Variants in ZC3H6 observed in about 807,000 individuals in gnomAD.
ZC3H6 encodes zinc finger CCCH domain-containing protein 6.
A neutral mutation model predicts 107.7 loss-of-function variants in ZC3H6; 40 were observed. The ratio of observed to expected loss-of-function variants is 0.37; its 90% confidence interval spans 0.29 to 0.48. The LOEUF (loss-of-function observed/expected upper bound fraction) is 0.48. Among genes scored for constraint, ZC3H6 ranks in the 20% least tolerant of loss-of-function variants. ZC3H6 has a pLI of 0.98. For missense variants in ZC3H6, 1,267 were observed against 1,410.4 expected, an observed-to-expected ratio of 0.90 and a Z score of 1.63; for synonymous variants, 493 against 487.9, an observed-to-expected ratio of 1.01 and a Z score of -0.14.
rs1252765706 is a variant in ZC3H6, at chr2:112,316,529, A to C, written c.807A>C (p.Thr269=). 1.9e-6 allele frequency: 3 copies of C among 1,611,122 alleles called. No homozygotes were observed. Among genetic ancestry groups the C allele is most frequent in the Admixed American group, 1.7e-5 (1 of 59,424 alleles). Residue 269 remains threonine (T), a synonymous_variant, in exon 6 of 12, where the codon ACA becomes ACC. Transcript: ENST00000409871. ...VMTQEFINQH[T]VEHKGKQICK... Reference sequence around the variant, plus strand: ...CTCAGGAATTTATTAATCAGCACACAGTGGAACACAAAGGAAAACAAATCT... The same window carrying C: ...CTCAGGAATTTATTAATCAGCACACCGTGGAACACAAAGGAAAACAAATCT...
At position 112,331,677 on chromosome 2, in the gene ZC3H6, ATCT is replaced by A. The variant is rs772486589; in HGVS notation, c.2762_2764del (p.Leu921del). The stretch of plus-strand genomic sequence containing the variant: ...AATAGATTATGGAATACAAAAAGTG[ATCT>A]TCATCAAAATACAGTGTCCATTGAT... On this transcript the variant is annotated inframe_deletion, in exon 12 of 12. Transcript: ENST00000409871. 3.7e-6 allele frequency: 6 copies of A among 1,613,934 alleles called. No homozygotes were observed. The highest frequency in any genetic ancestry group is 4.5e-5 in the East Asian group (2 of 44,866).
intron 4 of ZC3H6, among the ~76,000 whole-genome samples, chr2:112,311,073 C>G (rs1040786970): frequency 2.0e-5 from 3 of 152,148 alleles, no homozygotes; most frequent in Non-Finnish European, 4.4e-5. Flanking sequence ...GCAAAAAAGT[C>G]TTGTTCATCC....
intron 1 of ZC3H6, among the ~76,000 whole-genome samples, chr2:112,289,941 G>A (rs1676073242): frequency 6.6e-6 from 1 of 151,830 alleles, no homozygotes; most frequent in Non-Finnish European, 1.5e-5. Context: ...GGGTTTTACC[G>A]TGTTGCCCAG....
chr2:112,315,758 T>C (rs986701708), intron 5 of ZC3H6, among the ~76,000 whole-genome samples: 1 of 152,010 alleles, frequency 6.6e-6, no homozygotes, highest in Admixed American at 6.6e-5. Context: ...CCACCACACC[T>C]GGCTAATTTT....
chr2:112,312,987 A>G (rs1372999449), intron 5 of ZC3H6, among the ~76,000 whole-genome samples: 1 of 152,086 alleles, frequency 6.6e-6, no homozygotes, highest in Non-Finnish European at 1.5e-5. Flanking sequence ...ATTTCTTAAT[A>G]TGCACTCCTT....
intron 7 of ZC3H6, 39 bp downstream of exon 7, chr2:112,317,371 G>A (rs1165311814): frequency 3.5e-6 from 4 of 1,137,076 alleles, no homozygotes; most frequent in Non-Finnish European, 3.7e-6. Flanking sequence ...TAAAATGCTG[G>A]GGTTTTAAAG....
At chr2:112,301,679 CAAAA>C (rs1168380830) in intron 2 of ZC3H6, among the ~76,000 whole-genome samples, 1 of 151,236 alleles carries the variant, frequency 6.6e-6, no homozygotes, top group Non-Finnish European at 1.5e-5. Context: ...TTTAAAATGA[CAAAA>C]AATTAAGAAA....
At position 112,332,018 on chromosome 2, in the gene ZC3H6, C is replaced by T. The variant is rs752738091; in HGVS notation, c.3100C>T (p.Leu1034Phe). Residue 1034 changes from leucine (L) to phenylalanine (F), a missense_variant, in exon 12 of 12, where the codon CTT (leucine) becomes TTT (phenylalanine). Leu to Phe is a conservative substitution (Grantham distance 22). Coordinates refer to ENST00000409871, the MANE Select transcript of ZC3H6 (RefSeq NM_198581.3). Reference protein sequence around the residue: ...YAPKLSSSAGLPLGTSTSVLS... With the variant: ...YAPKLSSSAGFPLGTSTSVLS... ...CCCTAAACTCTCTTCCTCAGCTGGC[C>T]TTCCACTGGGAACTTCCACTTCAGT... 6.2e-7 allele frequency: 1 copy of T among 1,614,050 alleles called. No individual in the cohort carries two copies. Among genetic ancestry groups the T allele is most frequent in the Non-Finnish European group, 8.5e-7 (1 of 1,179,896 alleles).
chr2:112,287,927 T>TTGTAAATAAAATACATGGCA (rs1158532740), intron 1 of ZC3H6, among the ~76,000 whole-genome samples: 1 of 152,226 alleles, frequency 6.6e-6, no homozygotes. Flanking sequence ...AAGGAACTCT[T>TTGTAAATAAAATACATGGCA]TGTAAATAAA....
At chr2:112,301,067 A>G (rs1676363150) in intron 2 of ZC3H6, among the ~76,000 whole-genome samples, 1 of 152,252 alleles carries the variant, frequency 6.6e-6, no homozygotes, top group Non-Finnish European at 1.5e-5. Flanking sequence ...CATCAGTACA[A>G]ATGAAGCAGA....
chr2:112,311,951 A>C lies in ZC3H6; in HGVS notation c.747+14A>C. On this transcript the variant is annotated intron_variant, in intron 5 of 11. Coordinates refer to ENST00000409871, the MANE Select transcript of ZC3H6 (RefSeq NM_198581.3). ...GACTTTCAAGAGGTACTAAGAATTTATGTATAAGGAGGGGAGGAGCTTTTT... is the reference window on the plus strand; with the variant it reads ...GACTTTCAAGAGGTACTAAGAATTTCTGTATAAGGAGGGGAGGAGCTTTTT... The C allele has an allele frequency of 6.3e-7, 1 of 1,593,184 alleles. No individual in the cohort carries two copies. Among genetic ancestry groups the C allele is most frequent in the Non-Finnish European group, 8.6e-7 (1 of 1,168,978 alleles).
intron 1 of ZC3H6, among the ~76,000 whole-genome samples, chr2:112,289,003 A>G (rs879270172): frequency 1.5e-4 from 19 of 124,570 alleles, no homozygotes; most frequent in Admixed American, 1.2e-3. Flanking sequence ...CCCCCCCGCC[A>G]CCACCACCCT....
chr2:112,328,549 GA>G (rs1268302613), intron 11 of ZC3H6, among the ~76,000 whole-genome samples: 1 of 152,152 alleles, frequency 6.6e-6, no homozygotes, highest in Admixed American at 6.5e-5. Context: ...CATTTTCAAA[GA>G]AGATATTATT....
chr2:112,280,155 C>G (rs549727977), intron 1 of ZC3H6, among the ~76,000 whole-genome samples: 142 of 152,190 alleles, frequency 9.3e-4, no homozygotes, highest in Non-Finnish European at 1.7e-3. Flanking sequence ...AAAAAAATTG[C>G]AGATGCCTTT....
intron 1 of ZC3H6, among the ~76,000 whole-genome samples, chr2:112,276,296 G>A (rs1686421182): frequency 1.3e-5 from 2 of 150,274 alleles, no homozygotes; most frequent in South Asian, 2.1e-4. Context: ...CCCCCCGGGC[G>A]GGCTCCGTGT....
intron 1 of ZC3H6, among the ~76,000 whole-genome samples, chr2:112,296,833 T>G (rs59676631): frequency 6.6e-6 from 1 of 152,170 alleles, no homozygotes; most frequent in Non-Finnish European, 1.5e-5. Context: ...CTTTCACCAA[T>G]GAACAAACAA....
intron 8 of ZC3H6, among the ~76,000 whole-genome samples, chr2:112,322,337 A>G (rs1676818523): frequency 6.7e-6 from 1 of 149,328 alleles, no homozygotes; most frequent in Admixed American, 6.7e-5. Flanking sequence ...CCTGCCCTGC[A>G]CCGCCCCCCA....
intron 4 of ZC3H6, among the ~76,000 whole-genome samples, chr2:112,310,663 G>A (rs544984713): frequency 1.3e-5 from 2 of 152,314 alleles, no homozygotes; most frequent in South Asian, 2.1e-4. Context: ...GGTCCCTGGA[G>A]AGACCAGGAC....
At chr2:112,308,868 A>C (rs1676541584) in intron 3 of ZC3H6, among the ~76,000 whole-genome samples, 1 of 151,628 alleles carries the variant, frequency 6.6e-6, no homozygotes. Flanking sequence ...CCTGGCCAAC[A>C]TAGTGAAACC....
Sources: allele counts gnomAD v4.1 joint callset (sites outside exome capture counted in the v4.1 genomes callset), GRCh38; gene constraint gnomAD v4.1.1; transcripts MANE v1.5; gene names NCBI Gene and HGNC (gene_info 2026-07-23, HGNC 2026-07-21).